SPNS2: variants seen among roughly 807,000 people sequenced by gnomAD.
The protein encoded by SPNS2 is SPNS lysolipid transporter 2, sphingosine-1-phosphate.
A neutral mutation model predicts 57.6 loss-of-function variants in SPNS2; 37 were observed. The observed-to-expected ratio is 0.64, with a 90% CI of 0.49 to 0.85. The LOEUF (loss-of-function observed/expected upper bound fraction) is 0.85, where lower values mean the gene tolerates loss of function less well. Ranked by LOEUF, SPNS2 falls within the 40% of genes least tolerant of loss-of-function variation. The probability of loss-of-function intolerance (pLI) is 0.00; values close to 1 mark genes in which losing one functional copy is unlikely to be tolerated. For missense variants in SPNS2, 831 were observed against 779.1 expected, an observed-to-expected ratio of 1.07 and a Z score of -0.79; for synonymous variants, 440 against 346.9, an observed-to-expected ratio of 1.27 and a Z score of -2.98.
chr17:4,520,220 CTGGGGCCGGTGGG>C (rs1464495401), intron 2 of SPNS2, among the ~76,000 whole-genome samples: 1 of 152,184 alleles, frequency 6.6e-6, no homozygotes, highest in Non-Finnish European at 1.5e-5. Flanking sequence ...GTTCATCAGG[CTGGGGCCGGTGGG>C]TGGGGACGGG....
In SPNS2 at chr17:4,537,724, C is replaced by A. The variant is rs1376110198; in HGVS notation, c.*276C>A. ...GGGCCCCTGGGGCCAAGGAAGAAGA[C>A]AGCCCCAAGTGGGTGTCCGGGGAGA... On this transcript the variant is annotated 3_prime_UTR_variant, in exon 13 of 13. Coordinates refer to ENST00000329078, the MANE Select transcript of SPNS2 (RefSeq NM_001124758.3). 2.2e-6 allele frequency: 1 copy of A among 456,780 alleles called. No individual in the cohort carries two copies. Among genetic ancestry groups the A allele is most frequent in the Non-Finnish European group, 4.4e-6 (1 of 226,970 alleles). The allele number at this position is 456,780 out of a possible 1,614,324, so 28.3% of individuals were successfully genotyped here. A position where few individuals can be genotyped will look rare whatever the true frequency, so the allele number is the denominator to read the frequency against.
intron 2 of SPNS2, among the ~76,000 whole-genome samples, chr17:4,516,615 TC>T (rs1444855146): frequency 6.6e-6 from 1 of 152,198 alleles, no homozygotes. Flanking sequence ...GGAGAACACT[TC>T]CCTGAGGAGG....
chr17:4,500,068 A>G (rs1239328008), intron 1 of SPNS2, among the ~76,000 whole-genome samples: 2 of 152,128 alleles, frequency 1.3e-5, no homozygotes, highest in African/African-American at 4.8e-5. Context: ...GGCCCTGTAC[A>G]GAGGCCTGGA....
chr17:4,529,453 G>C (rs1905365332), intron 3 of SPNS2, among the ~76,000 whole-genome samples: 1 of 152,076 alleles, frequency 6.6e-6, no homozygotes, highest in Non-Finnish European at 1.5e-5. Flanking sequence ...CACTTTGGGA[G>C]GCTGAGGCAG....
chr17:4,525,175 C>T lies in SPNS2; in HGVS notation c.555C>T (p.Ser185=), dbSNP rs774333452. Reference sequence around the variant, plus strand: ...TCTGGTCGGCCGTCACCTTCTCCAGCTCCTTCATTCCCCAGCAGGTGAGGC... The same window carrying T: ...TCTGGTCGGCCGTCACCTTCTCCAGTTCCTTCATTCCCCAGCAGGTGAGGC... ...IFFWSAVTFS[S]SFIPQQYFWL... Residue 185 remains serine (S), a synonymous_variant, in exon 3 of 13, where the codon AGC becomes AGT. Transcript: ENST00000329078. 3.7e-6 allele frequency: 6 copies of T among 1,614,148 alleles called. No individual in the cohort carries two copies. In the South Asian group the frequency reaches 6.6e-5, roughly 18 times the overall value.
rs772926434 is a variant in SPNS2 at position 4,536,258 on chromosome 17, C to T, written c.1444-5C>T. The T allele has an allele frequency of 2.2e-5, 36 of 1,611,266 alleles. No individual in the cohort carries two copies. The highest frequency in any genetic ancestry group is 1.8e-4 in the South Asian group (16 of 91,042). ...GCCCTGACATCCACCCCCAAATCCTCGCAGATCTCAGACCTGATCCGCCAG... is the reference window on the plus strand; with the variant it reads ...GCCCTGACATCCACCCCCAAATCCTTGCAGATCTCAGACCTGATCCGCCAG... On this transcript the variant is annotated splice_region_variant and splice_polypyrimidine_tract_variant and intron_variant, in intron 10 of 12. Coordinates refer to ENST00000329078, the MANE Select transcript of SPNS2 (RefSeq NM_001124758.3).
At chr17:4,519,949 G>C (rs1351815232) in intron 2 of SPNS2, among the ~76,000 whole-genome samples, 1 of 152,210 alleles carries the variant, frequency 6.6e-6, no homozygotes, top group Non-Finnish European at 1.5e-5. Context: ...CCTCCAGGGG[G>C]CCAGGCGGGG....
chr17:4,520,574 C>T (rs1158254135), intron 2 of SPNS2, among the ~76,000 whole-genome samples: 2 of 152,162 alleles, frequency 1.3e-5, no homozygotes, highest in Non-Finnish European at 2.9e-5. Flanking sequence ...AGTCCTCCCT[C>T]CACAGCCTCA....
chr17:4,514,555 C>T (rs1278935155), intron 2 of SPNS2, among the ~76,000 whole-genome samples: 1 of 152,224 alleles, frequency 6.6e-6, no homozygotes, highest in Non-Finnish European at 1.5e-5. Flanking sequence ...CGATGGTTCT[C>T]AGGCTCAAGT....
rs777962669 is a variant in SPNS2, at chr17:4,538,959, A to T, written c.*1511A>T. On this transcript the variant is annotated 3_prime_UTR_variant, in exon 13 of 13. Transcript: ENST00000329078. ...GCTCCTTTATTTTTTAGAGCTGCTG[A>T]TTGTGAATCTCAGAGTCTTAAGAGA... is the stretch of plus-strand genomic sequence containing the variant. The T allele has an allele frequency of 1.3e-6, 1 of 786,838 alleles. No homozygotes were observed. The highest frequency in any genetic ancestry group is 2.2e-4 in the Middle Eastern group (1 of 4,460). 48.7% of individuals were successfully genotyped at this position (786,838 alleles called of 1,614,324 possible).
intron 1 of SPNS2, among the ~76,000 whole-genome samples, chr17:4,500,388 G>A (rs1904443827): frequency 6.6e-6 from 1 of 152,098 alleles, no homozygotes; most frequent in Non-Finnish European, 1.5e-5. Context: ...AGCAATTAGG[G>A]GTGGGTCTAG....
At chr17:4,530,937 C>T in intron 4 of SPNS2, 116 bp from the exon 5 acceptor site, 2 of 1,480,838 alleles carry the variant, frequency 1.4e-6, no homozygotes, top group Middle Eastern at 2.0e-4. Flanking sequence ...CCTGGACCTG[C>T]TCCCTGGCCA....
chr17:4,538,797 A>AGGAT lies in SPNS2; in HGVS notation c.*1352_*1355dup, dbSNP rs1389976090. On this transcript the variant is annotated 3_prime_UTR_variant, in exon 13 of 13. Transcript: ENST00000329078. ...TGGGGTACCCCGAGGGCCTGACAAG[A>AGGAT]GGATGGGGTGGGGGTGGCATCCTCC... The AGGAT allele has an allele frequency of 6.6e-6, 5 of 756,580 alleles. No homozygotes were observed. In the African/African-American group the frequency reaches 8.7e-5, roughly 13 times the overall value. The allele number at this position is 756,580 out of a possible 1,614,324, so 46.9% of individuals were successfully genotyped here.
chr17:4,507,691 G>T (rs1475919228), intron 1 of SPNS2, among the ~76,000 whole-genome samples: 1 of 152,248 alleles, frequency 6.6e-6, no homozygotes, highest in East Asian at 1.9e-4. Flanking sequence ...TAAGCCACCT[G>T]CTGCTCTGAG....
At chr17:4,501,595 C>G (rs1289519669) in intron 1 of SPNS2, among the ~76,000 whole-genome samples, 1 of 152,210 alleles carries the variant, frequency 6.6e-6, no homozygotes, top group African/African-American at 2.4e-5. Context: ...ACAACAGACA[C>G]AGGTTTCCTC....
At chr17:4,524,264 A>G (rs1207866081) in intron 2 of SPNS2, among the ~76,000 whole-genome samples, 1 of 152,198 alleles carries the variant, frequency 6.6e-6, no homozygotes, top group Non-Finnish European at 1.5e-5. Flanking sequence ...AGCTGGTGTC[A>G]GATCCCCACT....
At position 4,533,133 on chromosome 17, in the gene SPNS2, G is replaced by A. The variant is rs749710481; in HGVS notation, c.1088+4G>A. The A allele has an allele frequency of 1.2e-6, 2 of 1,604,206 alleles. No homozygotes were observed. The highest frequency in any genetic ancestry group is 1.7e-5 in the Admixed American group (1 of 58,990). On this transcript the variant is annotated splice_donor_region_variant and intron_variant, in intron 7 of 12. Coordinates refer to ENST00000329078, the MANE Select transcript of SPNS2 (RefSeq NM_001124758.3). Reference sequence around the variant, plus strand: ...CGCCCTGTGGGGCCAAGGACAGGTGGGGCCCCGCGGGGTGGGCCCAGGGCT... The same window carrying A: ...CGCCCTGTGGGGCCAAGGACAGGTGAGGCCCCGCGGGGTGGGCCCAGGGCT...
chr17:4,506,383 C>A (rs1045796060), intron 1 of SPNS2, among the ~76,000 whole-genome samples: 5 of 152,200 alleles, frequency 3.3e-5, no homozygotes, highest in African/African-American at 9.7e-5. Flanking sequence ...ACTGGCCACA[C>A]CCCCTGTGGG....
At chr17:4,505,210 T>C (rs553448585) in intron 1 of SPNS2, among the ~76,000 whole-genome samples, 6 of 152,142 alleles carry the variant, frequency 3.9e-5, no homozygotes, top group Admixed American at 2.6e-4. Flanking sequence ...CCCGCATGCA[T>C]AGGAGACTGC....
Sources: allele counts gnomAD v4.1 joint callset (sites outside exome capture counted in the v4.1 genomes callset), GRCh38; gene constraint gnomAD v4.1.1; transcripts MANE v1.5; gene names NCBI Gene and HGNC (gene_info 2026-07-23, HGNC 2026-07-21).